KHDRBS2: variants seen among roughly 807,000 people sequenced by gnomAD.
KHDRBS2 encodes the protein KH domain-containing, RNA-binding, signal transduction-associated protein 2.
Under a neutral mutation model 44.3 loss-of-function variants are expected in KHDRBS2, and 26 were observed. The ratio of observed to expected loss-of-function variants is 0.59; its 90% CI spans 0.43 to 0.81. The LOEUF is 0.81. KHDRBS2 is among the 40% of genes least tolerant of loss of function. KHDRBS2 has a pLI of 0.00. For missense variants in KHDRBS2, 476 were observed against 433.1 expected, an observed-to-expected ratio of 1.10 and a Z score of -0.88; for synonymous variants, 194 against 151.1, an observed-to-expected ratio of 1.28 and a Z score of -2.08.
At chr6:61,600,456 G>T in the KHDRBS2 span, among the ~76,000 whole-genome samples, 2 of 152,194 alleles carry the variant, frequency 1.3e-5, no homozygotes, top group South Asian at 2.1e-4. Flanking sequence ...GCCAGCCAGA[G>T]AACAACCCCC....
chr6:62,281,342 C>T (rs565888768), intron 1 of KHDRBS2, among the ~76,000 whole-genome samples: 2 of 152,008 alleles, frequency 1.3e-5, no homozygotes, highest in Non-Finnish European at 1.5e-5. Flanking sequence ...AAATTATTGG[C>T]CGGGCACAGT....
intron 6 of KHDRBS2, among the ~76,000 whole-genome samples, chr6:61,884,118 C>G (rs1017298499): frequency 4.6e-5 from 7 of 152,056 alleles, no homozygotes; most frequent in African/African-American, 1.7e-4. Flanking sequence ...GGTTGGCAGC[C>G]TGAACTCATT....
At chr6:62,026,812 G>A (rs929428207) in intron 3 of KHDRBS2, among the ~76,000 whole-genome samples, 2 of 151,988 alleles carry the variant, frequency 1.3e-5, no homozygotes, top group Non-Finnish European at 2.9e-5. Context: ...GCCTAACTCT[G>A]GCAAAAGCCA....
chr6:61,632,789 C>G, the KHDRBS2 span, among the ~76,000 whole-genome samples: 6 of 152,052 alleles, frequency 3.9e-5, no homozygotes, highest in Non-Finnish European at 8.8e-5. Context: ...CGAAAATTAA[C>G]AAAGCAGATA....
intron 8 of KHDRBS2, among the ~76,000 whole-genome samples, chr6:61,682,058 A>AT (rs1343626080): frequency 1.8e-4 from 28 of 152,004 alleles, no homozygotes; most frequent in African/African-American, 6.7e-4. Context: ...ATTGATATAT[A>AT]AAAAAATGGA....
At chr6:61,716,882 C>T (rs533853093) in intron 7 of KHDRBS2, among the ~76,000 whole-genome samples, 3 of 152,128 alleles carry the variant, frequency 2.0e-5, no homozygotes, top group African/African-American at 4.8e-5. Flanking sequence ...CTAATGCTTC[C>T]TATTTTTGAA....
the KHDRBS2 span, among the ~76,000 whole-genome samples, chr6:61,613,112 A>G: frequency 6.6e-6 from 1 of 152,132 alleles, no homozygotes; most frequent in Admixed American, 6.5e-5. Flanking sequence ...TTGGCCTCCC[A>G]AAGTGCTGGG....
intron 4 of KHDRBS2, among the ~76,000 whole-genome samples, chr6:61,944,101 C>A (rs1650400643): frequency 6.6e-6 from 1 of 152,138 alleles, no homozygotes; most frequent in Non-Finnish European, 1.5e-5. Flanking sequence ...ATGGAAAACA[C>A]TGTGGAGATT....
chr6:61,900,193 C>A (rs1195444034), intron 5 of KHDRBS2, among the ~76,000 whole-genome samples: 1 of 151,834 alleles, frequency 6.6e-6, no homozygotes, highest in Non-Finnish European at 1.5e-5. Flanking sequence ...GAGAATTTAT[C>A]TTTCTTAACT....
At chr6:62,034,035 C>A (rs983105531) in intron 3 of KHDRBS2, among the ~76,000 whole-genome samples, 2 of 151,552 alleles carry the variant, frequency 1.3e-5, no homozygotes, top group Admixed American at 1.3e-4. Context: ...CTATTAAGAG[C>A]AACTATATGC....
intron 3 of KHDRBS2, among the ~76,000 whole-genome samples, chr6:62,035,039 T>C (rs901585772): frequency 1.3e-5 from 2 of 151,966 alleles, no homozygotes; most frequent in African/African-American, 4.8e-5. Context: ...ACACCTTTGG[T>C]AGAAATGTAC....
At chr6:61,550,135 T>C in the KHDRBS2 span, among the ~76,000 whole-genome samples, 1 of 152,172 alleles carries the variant, frequency 6.6e-6, no homozygotes, top group Non-Finnish European at 1.5e-5. Context: ...GGTGTACAGA[T>C]TATTTTGTCA....
chr6:61,945,558 AC>A (rs1813196710), intron 4 of KHDRBS2, among the ~76,000 whole-genome samples: 1 of 152,062 alleles, frequency 6.6e-6, no homozygotes, highest in South Asian at 2.1e-4. Flanking sequence ...TTTTAATATA[AC>A]ATTTTATTTA....
At chr6:61,846,261 A>T (rs1276583112) in intron 6 of KHDRBS2, among the ~76,000 whole-genome samples, 1 of 152,226 alleles carries the variant, frequency 6.6e-6, no homozygotes, top group Non-Finnish European at 1.5e-5. Context: ...AGTAAAATAG[A>T]CTAAATTATA....
At chr6:62,048,951 T>C (rs969128024) in intron 2 of KHDRBS2, among the ~76,000 whole-genome samples, 15 of 151,906 alleles carry the variant, frequency 9.9e-5, no homozygotes, top group Admixed American at 9.2e-4. Context: ...TCTCTTTTCT[T>C]TTCTTTTCCT....
chr6:61,970,954 A>G (rs1771265876), intron 4 of KHDRBS2, among the ~76,000 whole-genome samples: 1 of 152,168 alleles, frequency 6.6e-6, no homozygotes, highest in Non-Finnish European at 1.5e-5. Flanking sequence ...TATAAATTGG[A>G]AATAAGTGGG....
chr6:62,102,349 C>G (rs981038436), intron 2 of KHDRBS2, among the ~76,000 whole-genome samples: 2 of 152,196 alleles, frequency 1.3e-5, no homozygotes, highest in Non-Finnish European at 2.9e-5. Flanking sequence ...CCAGCTATGG[C>G]TGGACCAGGA....
the KHDRBS2 span, among the ~76,000 whole-genome samples, chr6:61,649,858 C>T: frequency 1.3e-5 from 2 of 152,186 alleles, no homozygotes; most frequent in African/African-American, 4.8e-5. Context: ...GTCATATCTC[C>T]TTTCCATAGG....
intron 4 of KHDRBS2, among the ~76,000 whole-genome samples, chr6:61,961,685 A>T (rs1435766460): frequency 1.3e-5 from 2 of 152,126 alleles, no homozygotes; most frequent in Admixed American, 1.3e-4. Context: ...AGCAAGCCTG[A>T]CTTGCGCATG....
Sources: gnomAD v4.1 joint callset for allele counts (sites outside exome capture counted in the v4.1 genomes callset) on GRCh38, gnomAD v4.1.1 for gene constraint, MANE v1.5 for transcripts, NCBI Gene and HGNC (gene_info 2026-07-23, HGNC 2026-07-21) for gene names.